HPS6: variants seen among roughly 807,000 people sequenced by gnomAD.
The protein encoded by HPS6 is BLOC-2 complex member HPS6.
In HPS6, 46 loss-of-function variants were observed where a neutral mutation model predicts 53.6. The ratio of observed to expected loss-of-function variants is 0.86; its 90% CI spans 0.68 to 1.10. The LOEUF is 1.10. Among genes scored for constraint, HPS6 ranks in the 50% least tolerant of loss-of-function variants. The pLI, the probability that HPS6 is intolerant of heterozygous loss-of-function variation, is 0.00. For synonymous variants in HPS6, 535 were observed against 470.8 expected, an observed-to-expected ratio of 1.14 and a Z score of -1.77; for missense variants, 1,034 against 991.3, an observed-to-expected ratio of 1.04 and a Z score of -0.58.
chr10:102,067,453 GCCCCTCCAGT>G lies in HPS6; in HGVS notation c.1985_1994del (p.Ser662CysfsTer44). On this transcript the variant is annotated frameshift_variant, in exon 1 of 1. Coordinates refer to ENST00000299238, the MANE Select transcript of HPS6 (RefSeq NM_024747.6). LOFTEE classifies it high-confidence loss of function. ...GCTCTGGATGCTGGCCTGGCCCTCGGCCCCTCCAGTCCCCTGCTTCGAAGTGAAATCTTCA... is the reference window on the plus strand; with the variant it reads ...GCTCTGGATGCTGGCCTGGCCCTCGGCCCCTGCTTCGAAGTGAAATCTTCA... 6.2e-7 allele frequency: 1 copy of G among 1,613,432 alleles called. No individual in the cohort carries two copies. Among genetic ancestry groups the G allele is most frequent in the Non-Finnish European group, 8.5e-7 (1 of 1,180,014 alleles).
In HPS6 at chr10:102,066,373, C is replaced by G. The variant is rs769588444; in HGVS notation, c.899C>G (p.Ala300Gly). The G allele has an allele frequency of 8.1e-6, 13 of 1,614,016 alleles. No individual in the cohort carries two copies. The South Asian group carries it at 1.4e-4, about 18-fold the overall frequency. The change falls in exon 1 of 1, where the codon GCT becomes GGT. Residue 300 changes from alanine to glycine, a missense_variant. Ala to Gly is a moderately conservative substitution (Grantham distance 60, BLOSUM62 0). Transcript: ENST00000299238. ...TTGCAGTCCCACGGTGGTACGCGGG[C>G]TGTGGGCACCCTGCAGGAGGCACCT... ...SLLQSHGGTR[A>G]VGTLQEAPVG...
rs754206212 is a variant in HPS6 at position 102,066,330 on chromosome 10, G to T, written c.856G>T (p.Gly286Trp). 2.5e-6 allele frequency: 4 copies of T among 1,613,812 alleles called. No individual in the cohort carries two copies. The highest frequency in any genetic ancestry group is 1.6e-4 in the Middle Eastern group (1 of 6,084). The change falls in exon 1 of 1, where the codon GGG (glycine) becomes TGG (tryptophan). Residue 286 changes from glycine (G) to tryptophan (W), a missense_variant. Gly to Trp is a radical substitution (Grantham distance 184, BLOSUM62 -2). Transcript: ENST00000299238. ...CCAGGGCCTGCTGTTGCTTGACTTC[G>T]GGGGCACTGTGAGCCTATTGCAGTC... ...TPQGLLLLDF[G>W]GTVSLLQSHG...
rs374860183 is a variant in HPS6, at chr10:102,066,509, G to A, written c.1035G>A (p.Arg345=). The A allele has an allele frequency of 1.9e-4, 308 of 1,614,102 alleles. No individual in the cohort carries two copies. Among genetic ancestry groups the A allele is most frequent in the Non-Finnish European group, 1.8e-4 (215 of 1,180,044 alleles). Residue 345 remains arginine (R), a synonymous_variant, in exon 1 of 1, where the codon AGG becomes AGA. Coordinates refer to ENST00000299238, the MANE Select transcript of HPS6 (RefSeq NM_024747.6). ...LDMGSGQLLE[R]KVLSTDRVHL... ...TGGGCAGTGGGCAGCTGCTGGAGAGGAAGGTCCTAAGTACAGACAGGGTAC... is the reference window on the plus strand; with the variant it reads ...TGGGCAGTGGGCAGCTGCTGGAGAGAAAGGTCCTAAGTACAGACAGGGTAC...
Position 102,067,539 on chromosome 10 carries a change from C to A in HPS6, c.2065C>A (p.Pro689Thr), listed in dbSNP as rs1323648281. 6.2e-7 allele frequency: 1 copy of A among 1,613,742 alleles called. No homozygotes were observed. The highest frequency in any genetic ancestry group is 1.3e-5 in the African/African-American group (1 of 75,068). ...AQHRRLDAHLPLLCRLCPPEL... is the reference protein window; with the variant it reads ...AQHRRLDAHLTLLCRLCPPEL... ...GCACCGCCGGCTTGATGCTCACCTC[C>A]CCCTCCTTTGCCGCCTGTGCCCACC... The change falls in exon 1 of 1, where the codon CCC (proline) becomes ACC (threonine). Residue 689 changes from proline (P) to threonine (T), a missense_variant. Physicochemically the swap from Pro to Thr is conservative, Grantham distance 38. Transcript: ENST00000299238.
In HPS6 at chr10:102,067,416, C is replaced by T; in HGVS notation, c.1942C>T (p.Gln648Ter). The change falls in exon 1 of 1, where the codon CAA becomes TAA. Residue 648 changes from glutamine (Q) to a stop codon, truncating the protein, a stop_gained. Transcript: ENST00000299238. LOFTEE classifies it high-confidence loss of function. ...TGTCGGGCAGCTGGTGCAAAAGGAA[C>T]AATGGGATCGGGCTCTGGATGCTGG... is the stretch of plus-strand genomic sequence containing the variant. ...QAVGQLVQKE[Q>*]WDRALDAGLA... is the part of the protein sequence containing the mutation. 6.8e-6 allele frequency: 11 copies of T among 1,613,150 alleles called. No homozygotes were observed. Among genetic ancestry groups the T allele is most frequent in the Non-Finnish European group, 9.3e-6 (11 of 1,180,026 alleles).
Position 102,065,683 on chromosome 10 carries a change from C to A in HPS6, c.209C>A (p.Ala70Asp). The A allele has an allele frequency of 6.6e-7, 1 of 1,522,630 alleles. No individual in the cohort carries two copies. Among genetic ancestry groups the A allele is most frequent in the East Asian group, 2.6e-5 (1 of 38,642 alleles). The allele number at this position is 1,522,630 out of a possible 1,614,324, so 94.3% of individuals were successfully genotyped here. The change falls in exon 1 of 1, where the codon GCC becomes GAC. Residue 70 changes from alanine (A) to aspartate (D), a missense_variant. Transcript: ENST00000299238. The stretch of plus-strand genomic sequence containing the variant: ...GGGCCCGGCGCGGAGCTAGAGCGGG[C>A]CTGGCCGGCCGGCCAGCCCTCCCCG... ...SRGPGAELERAWPAGQPSPLD... is the reference protein window; with the variant it reads ...SRGPGAELERDWPAGQPSPLD...
In HPS6 at chr10:102,066,437, G is replaced by C; in HGVS notation, c.963G>C (p.Gln321His). The C allele has an allele frequency of 1.9e-6, 3 of 1,614,116 alleles. No homozygotes were observed. The highest frequency in any genetic ancestry group is 2.5e-6 in the Non-Finnish European group (3 of 1,180,020). ...PWGSAALGTF[Q>H]GTLACVLGST... ...GGTCTGCAGCCCTAGGCACATTTCA[G>C]GGCACTCTGGCCTGTGTGCTGGGCT... Residue 321 changes from glutamine to histidine, a missense_variant, in exon 1 of 1, where the codon CAG (glutamine) becomes CAC (histidine). Physicochemically the swap from Gln to His is conservative, Grantham distance 24. Transcript: ENST00000299238.
In HPS6 at chr10:102,066,175, G is replaced by A; in HGVS notation, c.701G>A (p.Gly234Asp). The A allele has an allele frequency of 6.2e-7, 1 of 1,613,788 alleles. No individual in the cohort carries two copies. The highest frequency in any genetic ancestry group is 1.7e-5 in the Admixed American group (1 of 60,036). Residue 234 changes from glycine (G) to aspartate (D), a missense_variant, in exon 1 of 1, where the codon GGT becomes GAT. By Grantham distance (94) the Gly-to-Asp change is moderately conservative. Coordinates refer to ENST00000299238, the MANE Select transcript of HPS6 (RefSeq NM_024747.6). ...GTGATGGTGGCTGCCCCACGGCTTGGTCTCTCCTACAGTAAGAGTCTGAAT... is the reference window on the plus strand; with the variant it reads ...GTGATGGTGGCTGCCCCACGGCTTGATCTCTCCTACAGTAAGAGTCTGAAT... ...GKVMVAAPRL[G>D]LSYSKSLNPG...
chr10:102,066,572 G>A lies in HPS6; in HGVS notation c.1098G>A (p.Glu366=). 1 of 1,614,150 alleles carries A rather than the reference G, an allele frequency of 6.2e-7. No individual in the cohort carries two copies. The highest frequency in any genetic ancestry group is 8.5e-7 in the Non-Finnish European group (1 of 1,180,032). Residue 366 remains glutamate, a synonymous_variant, in exon 1 of 1, where the codon GAG becomes GAA. Transcript: ENST00000299238. ...CGCCAGCCCCCGGCATGGAGGATGAGGAAGAGCTGGAGACCCGAGGGAATC... is the reference window on the plus strand; with the variant it reads ...CGCCAGCCCCCGGCATGGAGGATGAAGAAGAGCTGGAGACCCGAGGGAATC... ...LEPPAPGMED[E]EELETRGNLR... is the part of the protein sequence containing the mutation.
In HPS6 at chr10:102,066,425, A is replaced by T. The variant is rs758921989; in HGVS notation, c.951A>T (p.Leu317=). 1.2e-6 allele frequency: 2 copies of T among 1,614,072 alleles called. No individual in the cohort carries two copies. Among genetic ancestry groups the T allele is most frequent in the South Asian group, 2.2e-5 (2 of 91,082 alleles). The stretch of plus-strand genomic sequence containing the variant: ...TAGGCCCGTGGGGGTCTGCAGCCCT[A>T]GGCACATTTCAGGGCACTCTGGCCT... ...APVGPWGSAA[L]GTFQGTLACV... The change falls in exon 1 of 1, where the codon CTA becomes CTT. Residue 317 remains leucine (L), a synonymous_variant. Coordinates refer to ENST00000299238, the MANE Select transcript of HPS6 (RefSeq NM_024747.6).
At position 102,066,904 on chromosome 10, in the gene HPS6, A is replaced by T; in HGVS notation, c.1430A>T (p.Asp477Val). ...QLKAQLVAGD[D>V]EEAGWTELAE... is the part of the protein sequence containing the mutation. The stretch of plus-strand genomic sequence containing the variant: ...AAGGCCCAGCTGGTGGCTGGGGATG[A>T]TGAGGAGGCTGGTTGGACTGAGCTG... The change falls in exon 1 of 1, where the codon GAT becomes GTT. Residue 477 changes from aspartate (D) to valine (V), a missense_variant. Transcript: ENST00000299238. 1 of 1,614,196 alleles carries T rather than the reference A, an allele frequency of 6.2e-7. No individual in the cohort carries two copies.
In HPS6 at chr10:102,065,933, G is replaced by C; in HGVS notation, c.459G>C (p.Gly153=). Residue 153 remains glycine, a synonymous_variant, in exon 1 of 1, where the codon GGG becomes GGC. Coordinates refer to ENST00000299238, the MANE Select transcript of HPS6 (RefSeq NM_024747.6). ...ERQARAEGPS[G]SPAAAFSHCV... is the part of the protein sequence containing the mutation. Reference sequence around the variant, plus strand: ...AGGCCCGGGCCGAGGGCCCGTCAGGGTCGCCAGCAGCCGCTTTCAGCCACT... The same window carrying C: ...AGGCCCGGGCCGAGGGCCCGTCAGGCTCGCCAGCAGCCGCTTTCAGCCACT... 6.4e-7 allele frequency: 1 copy of C among 1,569,210 alleles called. No homozygotes were observed. The highest frequency in any genetic ancestry group is 8.6e-7 in the Non-Finnish European group (1 of 1,167,154).
rs2067982424 is a variant in HPS6, at chr10:102,067,694, G to A, written c.2220G>A (p.Leu740=). ...CTGTGGGCTTGCTCAAAGCCCTGCT[G>A]GAGCAGACTGGGGCTCAAGGATGGC... ...PLTVGLLKAL[L]EQTGAQGWLS... Residue 740 remains leucine, a synonymous_variant, in exon 1 of 1, where the codon CTG becomes CTA. Transcript: ENST00000299238. The A allele has an allele frequency of 1.2e-6, 2 of 1,613,720 alleles. No homozygotes were observed. Among genetic ancestry groups the A allele is most frequent in the African/African-American group, 1.3e-5 (1 of 74,944 alleles).
Position 102,066,791 on chromosome 10 carries a change from C to G in HPS6, c.1317C>G (p.Ala439=). The change falls in exon 1 of 1, where the codon GCC becomes GCG. Residue 439 remains alanine (A), a synonymous_variant. Coordinates refer to ENST00000299238, the MANE Select transcript of HPS6 (RefSeq NM_024747.6). The part of the protein sequence containing the change: ...SSTFRAPQAL[A]SILQGHLPPS... ...CATTCCGGGCACCTCAGGCTCTGGC[C>G]TCCATCCTCCAGGGCCACCTGCCCC... 1 of 1,614,166 alleles carries G rather than the reference C, an allele frequency of 6.2e-7. No homozygotes were observed.
chr10:102,065,900 G>C lies in HPS6; in HGVS notation c.426G>C (p.Glu142Asp). The C allele has an allele frequency of 6.5e-7, 1 of 1,542,286 alleles. No homozygotes were observed. Among genetic ancestry groups the C allele is most frequent in the Non-Finnish European group, 8.7e-7 (1 of 1,151,096 alleles). ...AALRGRLVWC[E>D]ERQARAEGPS... ...TCCGAGGCCGCCTGGTGTGGTGCGA[G>C]GAGCGGCAGGCCCGGGCCGAGGGCC... Residue 142 changes from glutamate to aspartate, a missense_variant, in exon 1 of 1, where the codon GAG (glutamate) becomes GAC (aspartate). Glu to Asp is a conservative substitution (Grantham distance 45). Coordinates refer to ENST00000299238, the MANE Select transcript of HPS6 (RefSeq NM_024747.6).
rs1338826562 is a variant in HPS6, at chr10:102,066,823, C to T, written c.1349C>T (p.Ala450Val). The T allele has an allele frequency of 3.1e-6, 5 of 1,614,234 alleles. No homozygotes were observed. The highest frequency in any genetic ancestry group is 4.2e-6 in the Non-Finnish European group (5 of 1,180,042). Residue 450 changes from alanine (A) to valine (V), a missense_variant, in exon 1 of 1, where the codon GCA (alanine) becomes GTA (valine). Coordinates refer to ENST00000299238, the MANE Select transcript of HPS6 (RefSeq NM_024747.6). ...CTCCAGGGCCACCTGCCCCCATCTGCACTGCTGACCATGTTGAGGACCGAG... is the reference window on the plus strand; with the variant it reads ...CTCCAGGGCCACCTGCCCCCATCTGTACTGCTGACCATGTTGAGGACCGAG... Reference protein sequence around the residue: ...SILQGHLPPSALLTMLRTELR... With the variant: ...SILQGHLPPSVLLTMLRTELR...
In HPS6 at chr10:102,065,563, C is replaced by T. The variant is rs1426841665; in HGVS notation, c.89C>T (p.Ser30Leu). ...CTCCGGGAGCTGGTGGCCGGGGACT[C>T]AGCGGTCCGAGTCCGTGGCAGTCCG... ...ARLRELVAGDSAVRVRGSPDG... is the reference protein window; with the variant it reads ...ARLRELVAGDLAVRVRGSPDG... The change falls in exon 1 of 1, where the codon TCA becomes TTA. Residue 30 changes from serine to leucine, a missense_variant. Ser to Leu is a moderately radical substitution (Grantham distance 145). Coordinates refer to ENST00000299238, the MANE Select transcript of HPS6 (RefSeq NM_024747.6). The T allele has an allele frequency of 1.3e-6, 2 of 1,549,132 alleles. No homozygotes were observed. The highest frequency in any genetic ancestry group is 1.4e-5 in the African/African-American group (1 of 70,928).
Position 102,065,499 on chromosome 10 carries a change from C to A in HPS6, c.25C>A (p.Leu9Met), listed in dbSNP as rs754469806. MKRSGTLR[L>M]LSDLSAFGGA... The stretch of plus-strand genomic sequence containing the variant: ...CATGAAGCGCTCGGGGACTCTGCGG[C>A]TGCTCTCGGACCTGAGCGCCTTCGG... The change falls in exon 1 of 1, where the codon CTG (leucine) becomes ATG (methionine). Residue 9 changes from leucine (L) to methionine (M), a missense_variant. Leu to Met is a conservative substitution (Grantham distance 15). Transcript: ENST00000299238. 1.9e-6 allele frequency: 3 copies of A among 1,561,014 alleles called. No individual in the cohort carries two copies. The highest frequency in any genetic ancestry group is 3.6e-5 in the Admixed American group (2 of 56,316).
At position 102,067,044 on chromosome 10, in the gene HPS6, GC is replaced by G. The variant is rs1564899748; in HGVS notation, c.1573del (p.Leu525CysfsTer5). 1.2e-6 allele frequency: 2 copies of G among 1,614,168 alleles called. No individual in the cohort carries two copies. The highest frequency in any genetic ancestry group is 1.7e-6 in the Non-Finnish European group (2 of 1,180,014). On this transcript the variant is annotated frameshift_variant, in exon 1 of 1. Coordinates refer to ENST00000299238, the MANE Select transcript of HPS6 (RefSeq NM_024747.6). LOFTEE classifies it high-confidence loss of function. Reference sequence around the variant, plus strand: ...AGCAGCCTGGGGTGCCACCCTCAGGGCCCTGCAGCTCCAGCTAGATGGGAAT... The same window carrying G: ...AGCAGCCTGGGGTGCCACCCTCAGGGCCTGCAGCTCCAGCTAGATGGGAAT... ...PTAAWGATLR[A>X]LQLQLDGNGK...
Sources: gnomAD v4.1 joint callset for allele counts on GRCh38, gnomAD v4.1.1 for gene constraint, MANE v1.5 for transcripts, NCBI Gene and HGNC (gene_info 2026-07-23, HGNC 2026-07-21) for gene names.